The following AGFG1 variants were observed in gnomAD, a reference collection of about 807,000 sequenced individuals.
The protein encoded by AGFG1 is ArfGAP with FG repeats 1, also known as arf-GAP domain and FG repeat-containing protein 1.
AGFG1 carries 10 observed loss-of-function variants against 60.6 expected under a neutral mutation model. That is an observed-to-expected ratio of 0.16 (90% CI 0.10 to 0.28). The LOEUF (loss-of-function observed/expected upper bound fraction) is 0.28, where lower values mean the gene tolerates loss of function less well. Among genes scored for constraint, AGFG1 ranks in the 10% least tolerant of loss-of-function variants. The pLI is 1.00. For missense variants in AGFG1, 537 were observed against 676.5 expected (o/e 0.79, Z 2.29); for synonymous variants, 247 against 242.9 (o/e 1.02, Z -0.16).
chr2:227,530,652 A>G (rs1692130044), intron 5 of AGFG1, among the ~76,000 whole-genome samples: 1 of 145,970 alleles, frequency 6.9e-6, no homozygotes, highest in African/African-American at 2.5e-5. Flanking sequence ...CCATTTTTGT[A>G]TTATTATTTT....
chr2:227,504,592 C>T (rs1691257666), intron 2 of AGFG1, among the ~76,000 whole-genome samples: 1 of 152,160 alleles, frequency 6.6e-6, no homozygotes, highest in East Asian at 1.9e-4. Context: ...GATCATTTTC[C>T]CTCTAAGCTC....
chr2:227,545,750 G>C (rs1245808197), intron 10 of AGFG1, among the ~76,000 whole-genome samples: 1 of 152,164 alleles, frequency 6.6e-6, no homozygotes, highest in Non-Finnish European at 1.5e-5. Flanking sequence ...GAGTTTGCTG[G>C]TGGTCCACTC....
At chr2:227,521,852 C>A (rs1691835849) in intron 3 of AGFG1, among the ~76,000 whole-genome samples, 1 of 152,138 alleles carries the variant, frequency 6.6e-6, no homozygotes, top group Admixed American at 6.5e-5. Flanking sequence ...CAAATAATTA[C>A]AGTTTATGTT....
At chr2:227,477,549 T>G (rs1274037231) in intron 1 of AGFG1, among the ~76,000 whole-genome samples, 2 of 152,230 alleles carry the variant, frequency 1.3e-5, no homozygotes, top group African/African-American at 2.4e-5. Flanking sequence ...TTTTGGGGAT[T>G]TAAATGGTAG....
chr2:227,533,559 T>C lies in AGFG1; in HGVS notation c.825T>C (p.Ala275=), dbSNP rs1210422986. The C allele has an allele frequency of 1.9e-6, 3 of 1,613,600 alleles. No individual in the cohort carries two copies. Among genetic ancestry groups the C allele is most frequent in the Non-Finnish European group, 2.5e-6 (3 of 1,179,660 alleles). Residue 275 remains alanine, a synonymous_variant, in exon 7 of 13, where the codon GCT becomes GCC. Coordinates refer to ENST00000310078, the MANE Select transcript of AGFG1 (RefSeq NM_004504.5). Reference sequence around the variant, plus strand: ...TTTATTCTGTTACAGGTGGAAGTGCTGCATCAGTAAATGCTAATTTTGCTC... The same window carrying C: ...TTTATTCTGTTACAGGTGGAAGTGCCGCATCAGTAAATGCTAATTTTGCTC... ...PFQPQTTGGS[A]ASVNANFAHF...
chr2:227,513,095 C>T (rs1036474264), intron 2 of AGFG1, among the ~76,000 whole-genome samples: 2 of 152,226 alleles, frequency 1.3e-5, no homozygotes, highest in African/African-American at 4.8e-5. Context: ...GTTTCCACTC[C>T]AATTTGCTGT....
intron 2 of AGFG1, among the ~76,000 whole-genome samples, chr2:227,501,689 T>G (rs1691161871): frequency 1.3e-5 from 2 of 152,126 alleles, no homozygotes; most frequent in Admixed American, 1.3e-4. Context: ...GCTCAGGTGA[T>G]TCTTCCACCT....
chr2:227,481,863 C>CTTTTTTT (rs769166509), intron 1 of AGFG1, among the ~76,000 whole-genome samples: 3 of 117,586 alleles, frequency 2.6e-5, no homozygotes, highest in Non-Finnish European at 3.5e-5. Context: ...TTGTCCACTA[C>CTTTTTTT]TTTTTTTTTT....
At chr2:227,525,617 AT>A (rs1691970420) in intron 5 of AGFG1, among the ~76,000 whole-genome samples, 1 of 152,138 alleles carries the variant, frequency 6.6e-6, no homozygotes, top group African/African-American at 2.4e-5. Context: ...CTCCTCTGTA[AT>A]TAGTGAAGAA....
chr2:227,480,840 G>A (rs934764405), intron 1 of AGFG1, among the ~76,000 whole-genome samples: 9 of 152,082 alleles, frequency 5.9e-5, no homozygotes, highest in Non-Finnish European at 1.5e-5. Context: ...GTTTTATTCT[G>A]CCTTCTTTTT....
At chr2:227,549,969 A>G in intron 10 of AGFG1, 2 of 402,436 alleles carry the variant, frequency 5.0e-6, no homozygotes, top group Non-Finnish European at 5.1e-6. Flanking sequence ...CTCGAATTTT[A>G]TAACTTTTTA....
At chr2:227,495,099 T>C (rs1690936280) in intron 2 of AGFG1, among the ~76,000 whole-genome samples, 6 of 152,234 alleles carry the variant, frequency 3.9e-5, no homozygotes, top group South Asian at 4.1e-4. Context: ...ATCATTAAGT[T>C]ACAGCACATA....
intron 2 of AGFG1, among the ~76,000 whole-genome samples, chr2:227,516,672 G>C (rs1180329523): frequency 6.6e-6 from 1 of 152,178 alleles, no homozygotes; most frequent in Non-Finnish European, 1.5e-5. Context: ...TCTTTGCTTT[G>C]CGTTACGAGT....
intron 4 of AGFG1, 45 bp downstream of exon 4, chr2:227,523,970 G>A: frequency 6.5e-7 from 1 of 1,540,842 alleles, no homozygotes; most frequent in South Asian, 1.2e-5. Flanking sequence ...CTTAAAGAGG[G>A]CTTGAGTATC....
intron 11 of AGFG1, 33 bp downstream of exon 11, chr2:227,552,150 A>G (rs1160180394): frequency 2.5e-6 from 4 of 1,611,982 alleles, no homozygotes; most frequent in African/African-American, 1.3e-5. Flanking sequence ...CTGTAAGTTC[A>G]TTTTATGTAT....
chr2:227,518,909 G>C (rs550377754), intron 2 of AGFG1, among the ~76,000 whole-genome samples: 2 of 152,072 alleles, frequency 1.3e-5, no homozygotes, highest in African/African-American at 2.4e-5. Flanking sequence ...ATGGTGGCTC[G>C]CGCCTGTAAT....
At chr2:227,506,558 T>TAAAAAAA (rs5839223) in intron 2 of AGFG1, among the ~76,000 whole-genome samples, 6 of 106,288 alleles carry the variant, frequency 5.6e-5, no homozygotes, top group South Asian at 3.6e-4. Context: ...TGATGTTCCT[T>TAAAAAAA]AAAAAAAAAA....
At chr2:227,475,032 A>T (rs1314482261) in intron 1 of AGFG1, among the ~76,000 whole-genome samples, 1 of 152,218 alleles carries the variant, frequency 6.6e-6, no homozygotes, top group Non-Finnish European at 1.5e-5. Flanking sequence ...AAGGAAGAGG[A>T]CATGCCATGA....
At chr2:227,472,626 C>T (rs780122225) in intron 1 of AGFG1, 38 bp downstream of exon 1, 1 of 1,545,382 alleles carries the variant, frequency 6.5e-7, no homozygotes, top group South Asian at 1.2e-5. Flanking sequence ...CGGGCCCTTC[C>T]CGGGAGGTGG....
Sources: allele counts gnomAD v4.1 joint callset (sites outside exome capture counted in the v4.1 genomes callset), GRCh38; gene constraint gnomAD v4.1.1; transcripts MANE v1.5; gene names NCBI Gene and HGNC (gene_info 2026-07-23, HGNC 2026-07-21).